PDCD1LG2: variants seen among roughly 807,000 people sequenced by gnomAD.
PDCD1LG2 encodes programmed cell death 1 ligand 2.
Under a neutral mutation model 28.2 loss-of-function variants are expected in PDCD1LG2, and 32 were observed. That is an observed-to-expected ratio of 1.13 (90% CI 0.86 to 1.52). PDCD1LG2 has a LOEUF of 1.52. Ranked by LOEUF, PDCD1LG2 falls within the 40% of genes most tolerant of loss-of-function variation. The probability of loss-of-function intolerance (pLI) is 0.00; values close to 1 mark genes in which losing one functional copy is unlikely to be tolerated. For missense variants in PDCD1LG2, 385 were observed against 323.8 expected (o/e 1.19, Z -1.45); for synonymous variants, 116 against 120.2 (o/e 0.97, Z 0.23).
At chr9:5,544,228 CCAAA>C (rs372703064) in intron 3 of PDCD1LG2, among the ~76,000 whole-genome samples, 43 of 152,202 alleles carry the variant, frequency 2.8e-4, no homozygotes, top group African/African-American at 1.0e-3. Flanking sequence ...GACTGAGAAG[CCAAA>C]CAGAGAACAG....
chr9:5,565,906 A>C (rs1392004654), intron 6 of PDCD1LG2, among the ~76,000 whole-genome samples: 3 of 152,204 alleles, frequency 2.0e-5, no homozygotes, highest in Non-Finnish European at 4.4e-5. Context: ...TACTGATTTT[A>C]TGAGTATAAA....
chr9:5,511,203 C>G lies in PDCD1LG2; in HGVS notation c.-15+400C>G, dbSNP rs145516786. ...TTTAGCAGACGGTGATCCCTCCAGG[C>G]TGGCCTTTGTTTACAAGCTATGCCT... is the stretch of plus-strand genomic sequence containing the variant. On this transcript the variant is annotated intron_variant, in intron 1 of 6. Transcript: ENST00000397747. Among the ~76,000 whole-genome samples the G allele has an allele frequency of 7.9e-5, 12 of 152,316 alleles. No individual in the cohort carries two copies. In the East Asian group the frequency reaches 2.3e-3, roughly 29 times the overall value.
chr9:5,550,387 G>C (rs1247089739), intron 4 of PDCD1LG2, among the ~76,000 whole-genome samples: 1 of 152,156 alleles, frequency 6.6e-6, no homozygotes, highest in East Asian at 1.9e-4. Context: ...TAAGAGACAG[G>C]TAATTTCATC....
At chr9:5,557,556 A>T (rs1816470396) in intron 4 of PDCD1LG2, 62 bp from the exon 5 acceptor site, 17 of 1,585,736 alleles carry the variant, frequency 1.1e-5, no homozygotes, top group Non-Finnish European at 1.5e-5. Flanking sequence ...TCATGTGGCC[A>T]GCCTGTTGGT....
At chr9:5,514,616 C>T (rs1326142285) in intron 1 of PDCD1LG2, among the ~76,000 whole-genome samples, 1 of 151,898 alleles carries the variant, frequency 6.6e-6, no homozygotes, top group East Asian at 1.9e-4. Flanking sequence ...TAGCCCACAA[C>T]TATAGTCCCA....
intron 3 of PDCD1LG2, among the ~76,000 whole-genome samples, chr9:5,541,323 C>G (rs1370255227): frequency 6.6e-6 from 1 of 152,126 alleles, no homozygotes; most frequent in Non-Finnish European, 1.5e-5. Flanking sequence ...ACTTTCACCA[C>G]TTTTATTCAG....
intron 3 of PDCD1LG2, among the ~76,000 whole-genome samples, chr9:5,545,990 A>G (rs547356300): frequency 2.0e-5 from 3 of 152,270 alleles, no homozygotes; most frequent in East Asian, 1.9e-4. Context: ...CCCTCAGTCC[A>G]GCTTCCCCAC....
At position 5,569,598 on chromosome 9, in the gene PDCD1LG2, G is replaced by A. The variant is rs867059840; in HGVS notation, c.817-356G>A. On this transcript the variant is annotated intron_variant, in intron 6 of 6. Coordinates refer to ENST00000397747, the MANE Select transcript of PDCD1LG2 (RefSeq NM_025239.4). The surrounding 1 kb of genome is among the most constrained non-coding windows in gnomAD (Gnocchi z 4.1). The stretch of plus-strand genomic sequence containing the variant: ...CTGGAGCATGAATAGAGTGCAGCAG[G>A]GTGAATAATGAGTCTGCAGGAATTA... Among the ~76,000 whole-genome samples, 4 of 152,296 alleles carry A rather than the reference G, an allele frequency of 2.6e-5. No individual in the cohort carries two copies. Among genetic ancestry groups the A allele is most frequent in the Middle Eastern group, 3.4e-3 (1 of 294 alleles).
chr9:5,528,467 A>T (rs1820421045), intron 2 of PDCD1LG2, among the ~76,000 whole-genome samples: 1 of 144,714 alleles, frequency 6.9e-6, no homozygotes, highest in Non-Finnish European at 1.5e-5. Flanking sequence ...TGCCTGGCTA[A>T]TTTTTTTTTT....
intron 5 of PDCD1LG2, 128 bp from the exon 6 acceptor site, chr9:5,563,034 A>G (rs982350664): frequency 6.6e-6 from 5 of 760,338 alleles, no homozygotes; most frequent in Non-Finnish European, 1.1e-5. Context: ...GTCCCAGGCC[A>G]CAGTGAACAT....
At chr9:5,556,882 A>C (rs1412391466) in intron 4 of PDCD1LG2, among the ~76,000 whole-genome samples, 1 of 152,184 alleles carries the variant, frequency 6.6e-6, no homozygotes, top group Non-Finnish European at 1.5e-5. Context: ...AGAGGACTTT[A>C]CAAGGCTTTC....
chr9:5,557,871 A>G (rs1586818632), intron 5 of PDCD1LG2, 119 bp downstream of exon 5: 8 of 1,258,880 alleles, frequency 6.4e-6, no homozygotes, highest in Non-Finnish European at 7.9e-6. Context: ...GAGCTTATGA[A>G]CCACTTTGAG....
chr9:5,536,323 C>A (rs1036004866), intron 3 of PDCD1LG2, among the ~76,000 whole-genome samples: 1 of 152,076 alleles, frequency 6.6e-6, no homozygotes, highest in African/African-American at 2.4e-5. Flanking sequence ...TAATAAGTGT[C>A]CAGAGACTTG....
chr9:5,555,426 AAATT>A (rs1816418765), intron 4 of PDCD1LG2, among the ~76,000 whole-genome samples: 3 of 152,314 alleles, frequency 2.0e-5, no homozygotes, highest in African/African-American at 7.2e-5. Context: ...TCAAATAAAT[AAATT>A]AATTAATTAA....
rs1303212464 is a variant in PDCD1LG2 at position 5,515,324 on chromosome 9, C to T, written c.-15+4521C>T. Among the ~76,000 whole-genome samples the T allele has an allele frequency of 2.0e-5, 3 of 152,268 alleles. No individual in the cohort carries two copies. In the South Asian group the frequency reaches 6.2e-4, roughly 32 times the overall value. Reference sequence around the variant, plus strand: ...GGTGGCATGGTTGTTTGAACATGTTCGTTTTTGTCTCCTGGAGAAAAGTCA... The same window carrying T: ...GGTGGCATGGTTGTTTGAACATGTTTGTTTTTGTCTCCTGGAGAAAAGTCA... On this transcript the variant is annotated intron_variant, in intron 1 of 6. Transcript: ENST00000397747.
At chr9:5,557,535 C>A in intron 4 of PDCD1LG2, 83 bp from the exon 5 acceptor site, 1 of 1,497,222 alleles carries the variant, frequency 6.7e-7, no homozygotes, top group South Asian at 1.2e-5. Flanking sequence ...GCCGTGTTGG[C>A]TGTCACCCAC....
At chr9:5,513,440 A>G (rs1166455127) in intron 1 of PDCD1LG2, among the ~76,000 whole-genome samples, 1 of 152,144 alleles carries the variant, frequency 6.6e-6, no homozygotes, top group Admixed American at 6.5e-5. Context: ...ACTATTTTTC[A>G]TGTGTGAGAG....
At chr9:5,534,033 C>T (rs975087143) in intron 2 of PDCD1LG2, among the ~76,000 whole-genome samples, 1 of 151,534 alleles carries the variant, frequency 6.6e-6, no homozygotes, top group African/African-American at 2.4e-5. Context: ...AATACCTGAT[C>T]TGATTCTGGC....
chr9:5,548,015 T>A (rs913439070), intron 3 of PDCD1LG2, among the ~76,000 whole-genome samples: 10 of 152,044 alleles, frequency 6.6e-5, no homozygotes, highest in African/African-American at 2.4e-4. Flanking sequence ...GTGGTCTTTA[T>A]TTTTTTCTCT....
Sources: gnomAD v4.1 joint callset for allele counts (sites outside exome capture counted in the v4.1 genomes callset) on GRCh38, gnomAD v4.1.1 for gene constraint, Gnocchi (gnomAD v3.1) non-coding constraint, MANE v1.5 for transcripts, NCBI Gene and HGNC (gene_info 2026-07-23, HGNC 2026-07-21) for gene names.